The following NBAS variants were observed in gnomAD, a reference collection of about 807,000 sequenced individuals.
NBAS encodes NBAS subunit of NRZ tethering complex.
In NBAS, 219 loss-of-function variants were observed where a neutral mutation model predicts 302.5. The observed-to-expected ratio is 0.72, with a 90% CI of 0.65 to 0.81. NBAS has a LOEUF of 0.81. NBAS is among the 30% of genes least tolerant of loss of function. NBAS has a pLI of 0.00. For synonymous variants in NBAS, 1,118 were observed against 1,021.6 expected (o/e 1.09, Z -1.80); for missense variants, 2,932 against 2,841.6 (o/e 1.03, Z -0.72).
the NBAS span, among the ~76,000 whole-genome samples, chr2:14,805,766 A>G: frequency 6.6e-6 from 1 of 151,878 alleles, no homozygotes; most frequent in Admixed American, 6.6e-5. Flanking sequence ...TTAGCATGCC[A>G]TTTTTCTCCT....
chr2:15,340,204 G>C (rs533187498), intron 35 of NBAS, among the ~76,000 whole-genome samples: 1 of 152,292 alleles, frequency 6.6e-6, no homozygotes, highest in Admixed American at 6.5e-5. Flanking sequence ...AGACAAACAG[G>C]ACACTACTTT....
intron 9 of NBAS, among the ~76,000 whole-genome samples, chr2:15,511,637 C>T (rs1662150666): frequency 6.6e-6 from 1 of 152,276 alleles, no homozygotes; most frequent in East Asian, 1.9e-4. Context: ...TATAAAAAAA[C>T]TGTCTGTATC....
At chr2:15,318,892 A>G (rs181438031) in intron 38 of NBAS, among the ~76,000 whole-genome samples, 154 of 152,342 alleles carry the variant, frequency 1.0e-3, no homozygotes, top group African/African-American at 3.5e-3. Flanking sequence ...CTCTGGACCA[A>G]GCAGACCTAA....
At chr2:15,176,000 A>C (rs1348069018) in intron 51 of NBAS, among the ~76,000 whole-genome samples, 1 of 152,218 alleles carries the variant, frequency 6.6e-6, no homozygotes, top group Admixed American at 6.5e-5. Context: ...TTTTAATGTC[A>C]ATAGGAGCTA....
chr2:15,550,917 C>G (rs1664351768), intron 6 of NBAS, among the ~76,000 whole-genome samples: 1 of 152,110 alleles, frequency 6.6e-6, no homozygotes, highest in Non-Finnish European at 1.5e-5. Context: ...TTCCAAAAGT[C>G]ATTTTTCTTT....
the NBAS span, among the ~76,000 whole-genome samples, chr2:15,101,295 T>TA: frequency 2.0e-5 from 3 of 151,842 alleles, no homozygotes; most frequent in Non-Finnish European, 2.9e-5. Context: ...CCAGGGGCAG[T>TA]AAAAAAAAGT....
chr2:15,130,626 A>G, the NBAS span, among the ~76,000 whole-genome samples: 10,460 of 152,334 alleles, frequency 0.069, 533 homozygotes, highest in African/African-American at 0.14. Context: ...AGGGCCCCCA[A>G]ACTGGAGAGC....
At chr2:14,952,204 T>A in the NBAS span, among the ~76,000 whole-genome samples, 1 of 152,098 alleles carries the variant, frequency 6.6e-6, no homozygotes, top group African/African-American at 2.4e-5. Context: ...AGCCACAGAA[T>A]CCCTGCATGG....
intron 44 of NBAS, among the ~76,000 whole-genome samples, chr2:15,268,908 A>G (rs1669194990): frequency 6.6e-6 from 1 of 152,214 alleles, no homozygotes; most frequent in African/African-American, 2.4e-5. Context: ...CATGATAGAA[A>G]TATTTCTGCT....
At position 15,218,934 on chromosome 2, in the gene NBAS, A is replaced by G. The variant is rs1558447673; in HGVS notation, c.6271T>C (p.Trp2091Arg). Residue 2091 changes from tryptophan to arginine, a missense_variant, in exon 48 of 52, where the codon TGG becomes CGG. By Grantham distance (101) the Trp-to-Arg change is moderately radical. Transcript: ENST00000281513. ...ELVSPEDLLEWLRPFCADDAW... is the reference protein window; with the variant it reads ...ELVSPEDLLERLRPFCADDAW... ...TCATCAGCACAGAAAGGCCGCAGCCACTCCAGCAGGTCCTCAGGTGAAACC... is the reference window on the plus strand; with the variant it reads ...TCATCAGCACAGAAAGGCCGCAGCCGCTCCAGCAGGTCCTCAGGTGAAACC... 1.2e-6 allele frequency: 2 copies of G among 1,614,134 alleles called. No individual in the cohort carries two copies. The highest frequency in any genetic ancestry group is 8.5e-7 in the Non-Finnish European group (1 of 1,180,046).
the NBAS span, among the ~76,000 whole-genome samples, chr2:14,850,162 G>A: frequency 7.4e-6 from 1 of 134,898 alleles, no homozygotes; most frequent in Non-Finnish European, 1.5e-5. Context: ...AGACCCATCA[G>A]TGTGCTGTAT....
chr2:15,437,713 ACATAACATT>A (rs1678101097), intron 21 of NBAS, among the ~76,000 whole-genome samples: 1 of 152,248 alleles, frequency 6.6e-6, no homozygotes, highest in Non-Finnish European at 1.5e-5. Flanking sequence ...ATTTTTAACT[ACATAACATT>A]CATTCATTCC....
chr2:15,524,608 A>C (rs1228834579), intron 9 of NBAS, among the ~76,000 whole-genome samples: 1 of 152,140 alleles, frequency 6.6e-6, no homozygotes, highest in Non-Finnish European at 1.5e-5. Context: ...AGGCAGCTAT[A>C]ATCAATGGAA....
At chr2:15,063,718 G>C in the NBAS span, among the ~76,000 whole-genome samples, 2 of 152,212 alleles carry the variant, frequency 1.3e-5, no homozygotes, top group Non-Finnish European at 2.9e-5. Flanking sequence ...TGCACACACA[G>C]AGAACAGGCC....
chr2:15,166,997 C>A lies in NBAS; in HGVS notation c.*51G>T, dbSNP rs1664047388. On this transcript the variant is annotated 3_prime_UTR_variant, in exon 52 of 52. Coordinates refer to ENST00000281513, the MANE Select transcript of NBAS (RefSeq NM_015909.4). The stretch of plus-strand genomic sequence containing the variant: ...ATACACATGTTGCTTCTGGGAACAG[C>A]ATTCAACTCCAGATGCTTTTTCTGC... 6 of 1,504,306 alleles carry A rather than the reference C, an allele frequency of 4.0e-6. No homozygotes were observed. The highest frequency in any genetic ancestry group is 4.4e-6 in the Non-Finnish European group (5 of 1,125,788). 93.2% of individuals were successfully genotyped at this position (1,504,306 alleles called of 1,614,324 possible). A position where few individuals can be genotyped will look rare whatever the true frequency, so the allele number is the denominator to read the frequency against.
At chr2:15,245,831 C>T (rs1322106104) in intron 44 of NBAS, among the ~76,000 whole-genome samples, 3 of 152,172 alleles carry the variant, frequency 2.0e-5, no homozygotes, top group African/African-American at 4.8e-5. Context: ...GCAGGCCACA[C>T]AGAGTCTCTA....
chr2:15,282,091 C>A (rs944338816), intron 42 of NBAS, among the ~76,000 whole-genome samples: 3 of 152,190 alleles, frequency 2.0e-5, no homozygotes, highest in Non-Finnish European at 4.4e-5. Context: ...TATGGACATT[C>A]AACATTCCTA....
At chr2:15,437,221 T>C (rs561399815) in intron 21 of NBAS, among the ~76,000 whole-genome samples, 1 of 151,886 alleles carries the variant, frequency 6.6e-6, no homozygotes, top group African/African-American at 2.4e-5. Flanking sequence ...TGATGGAGGA[T>C]ACCTGGAGTT....
chr2:14,997,567 G>GTTAT, the NBAS span, among the ~76,000 whole-genome samples: 1 of 151,766 alleles, frequency 6.6e-6, no homozygotes, highest in African/African-American at 2.4e-5. Flanking sequence ...CTGTGAAATG[G>GTTAT]TTATCACAAT....
Sources: allele counts gnomAD v4.1 joint callset (sites outside exome capture counted in the v4.1 genomes callset), GRCh38; gene constraint gnomAD v4.1.1; transcripts MANE v1.5; gene names NCBI Gene and HGNC (gene_info 2026-07-23, HGNC 2026-07-21).